RNGTT: variants seen among roughly 807,000 people sequenced by gnomAD.
RNGTT encodes the protein RNA guanylyltransferase and 5'-phosphatase.
A neutral mutation model predicts 79.3 loss-of-function variants in RNGTT; 33 were observed. The observed-to-expected ratio is 0.42, with a 90% CI of 0.32 to 0.56. The LOEUF is 0.56. RNGTT is among the 20% of genes least tolerant of loss of function. The pLI is 0.17. For synonymous variants in RNGTT, 222 were observed against 235.9 expected (o/e 0.94, Z 0.54); for missense variants, 497 against 739.1 (o/e 0.67, Z 3.80).
intron 6 of RNGTT, among the ~76,000 whole-genome samples, chr6:88,901,382 A>G (rs1166068011): frequency 3.3e-5 from 5 of 151,994 alleles, no homozygotes; most frequent in African/African-American, 1.2e-4. Flanking sequence ...AATCAAAAAC[A>G]ATAAGAAATT....
chr6:88,817,721 G>GCC (rs1306367692), intron 11 of RNGTT, among the ~76,000 whole-genome samples: 1 of 141,596 alleles, frequency 7.1e-6, no homozygotes, highest in Non-Finnish European at 1.5e-5. Flanking sequence ...CCTATCCCAT[G>GCC]CCTTCACCAT....
chr6:88,791,799 A>G (rs1343673604), intron 12 of RNGTT, among the ~76,000 whole-genome samples: 1 of 152,196 alleles, frequency 6.6e-6, no homozygotes, highest in Non-Finnish European at 1.5e-5. Context: ...TTGGCCTCCC[A>G]AAGTGCTGCG....
At chr6:88,898,371 T>C (rs942954696) in intron 6 of RNGTT, among the ~76,000 whole-genome samples, 4 of 152,162 alleles carry the variant, frequency 2.6e-5, no homozygotes, top group African/African-American at 9.7e-5. Context: ...TCATGCTGCA[T>C]GCTGGAAGGA....
intron 14 of RNGTT, among the ~76,000 whole-genome samples, chr6:88,664,871 C>T (rs184782430): frequency 2.6e-5 from 4 of 152,226 alleles, no homozygotes; most frequent in African/African-American, 9.6e-5. Flanking sequence ...TGGTGCTGAA[C>T]ATTCAGTAGT....
intron 11 of RNGTT, among the ~76,000 whole-genome samples, 178 bp from the exon 12 acceptor site, chr6:88,801,810 TACACACACACAGACAC>T (rs1779793553): frequency 7.2e-6 from 1 of 138,356 alleles, no homozygotes; most frequent in South Asian, 2.3e-4. Flanking sequence ...AAGATTTGAA[TACACACACACAGACAC>T]ACACACACAC....
intron 13 of RNGTT, among the ~76,000 whole-genome samples, chr6:88,723,006 C>G (rs1306236472): frequency 6.6e-6 from 1 of 152,162 alleles, no homozygotes; most frequent in Non-Finnish European, 1.5e-5. Flanking sequence ...TTTGTATTTA[C>G]AATAGTGTAT....
intron 12 of RNGTT, among the ~76,000 whole-genome samples, chr6:88,786,592 G>T (rs1411937739): frequency 6.6e-6 from 1 of 152,138 alleles, no homozygotes; most frequent in Non-Finnish European, 1.5e-5. Flanking sequence ...TTTGATAGTG[G>T]TTCTTTTTAA....
chr6:88,952,846 T>C (rs6940785), intron 1 of RNGTT, among the ~76,000 whole-genome samples: 2,390 of 152,212 alleles, frequency 0.016, 60 homozygotes, highest in African/African-American at 0.054. Flanking sequence ...ACAGTGTGAC[T>C]AGAACCAGAA....
intron 12 of RNGTT, among the ~76,000 whole-genome samples, chr6:88,773,008 G>T: frequency 6.8e-6 from 1 of 147,550 alleles, no homozygotes; most frequent in Non-Finnish European, 1.5e-5. Flanking sequence ...CTGCTATAAA[G>T]ACACATGCAC....
chr6:88,918,901 A>G (rs1277680353), intron 4 of RNGTT, among the ~76,000 whole-genome samples: 1 of 151,304 alleles, frequency 6.6e-6, no homozygotes, highest in Middle Eastern at 3.2e-3. Context: ...GCAAGATTAA[A>G]TATTTTTATG....
intron 10 of RNGTT, among the ~76,000 whole-genome samples, chr6:88,847,124 G>GT (rs1255427705): frequency 6.6e-6 from 1 of 151,894 alleles, no homozygotes; most frequent in Non-Finnish European, 1.5e-5. Flanking sequence ...AAAATGTTAC[G>GT]TTTTTAATGT....
chr6:88,677,196 C>G (rs1252046499), intron 14 of RNGTT, among the ~76,000 whole-genome samples: 3 of 150,056 alleles, frequency 2.0e-5, no homozygotes, highest in Non-Finnish European at 4.4e-5. Context: ...AGTGAATATA[C>G]ACTATATGAT....
chr6:88,726,257 T>C (rs527763201), intron 13 of RNGTT, among the ~76,000 whole-genome samples: 48 of 152,188 alleles, frequency 3.2e-4, no homozygotes, highest in Non-Finnish European at 6.3e-4. Context: ...CTTAACCCAG[T>C]AACCCACGGA....
At chr6:88,832,642 G>A (rs1426585754) in intron 11 of RNGTT, among the ~76,000 whole-genome samples, 1 of 152,134 alleles carries the variant, frequency 6.6e-6, no homozygotes, top group African/African-American at 2.4e-5. Context: ...TCAGAATGAA[G>A]AGGAAATCTA....
chr6:88,729,416 A>G (rs901448829), intron 13 of RNGTT, among the ~76,000 whole-genome samples: 1 of 152,002 alleles, frequency 6.6e-6, no homozygotes, highest in African/African-American at 2.4e-5. Context: ...GACATCATAA[A>G]GCAAAAGAAG....
At chr6:88,724,032 G>A (rs1776799813) in intron 13 of RNGTT, among the ~76,000 whole-genome samples, 1 of 152,044 alleles carries the variant, frequency 6.6e-6, no homozygotes, top group African/African-American at 2.4e-5. Flanking sequence ...GCCGTGTTTG[G>A]GTTTTAACCT....
At chr6:88,669,960 T>A (rs1163195009) in intron 14 of RNGTT, among the ~76,000 whole-genome samples, 1 of 152,222 alleles carries the variant, frequency 6.6e-6, no homozygotes, top group East Asian at 1.9e-4. Context: ...CTGGATTATA[T>A]GGTTCCAAGC....
intron 1 of RNGTT, among the ~76,000 whole-genome samples, chr6:88,953,601 CA>C (rs1386297117): frequency 3.9e-5 from 6 of 152,060 alleles, no homozygotes; most frequent in Non-Finnish European, 7.4e-5. Context: ...TCTAGACATC[CA>C]AATACAAGAA....
intron 11 of RNGTT, among the ~76,000 whole-genome samples, chr6:88,843,847 A>C (rs564113568): frequency 3.3e-5 from 5 of 150,970 alleles, no homozygotes; most frequent in South Asian, 2.1e-4. Flanking sequence ...TGAGCCACCG[A>C]GCCTGGCCTT....
Sources: gnomAD v4.1 joint callset for allele counts (sites outside exome capture counted in the v4.1 genomes callset) on GRCh38, gnomAD v4.1.1 for gene constraint, MANE v1.5 for transcripts, NCBI Gene and HGNC (gene_info 2026-07-23, HGNC 2026-07-21) for gene names.